Variants in GNAQ observed in about 807,000 individuals in gnomAD.
GNAQ encodes the protein G protein subunit alpha q.
Under a neutral mutation model 43.9 loss-of-function variants are expected in GNAQ, and 8 were observed. The ratio of observed to expected loss-of-function variants is 0.18; its 90% CI spans 0.11 to 0.33. The LOEUF (loss-of-function observed/expected upper bound fraction) is 0.33, where lower values mean the gene tolerates loss of function less well. Ranked by LOEUF, GNAQ falls within the 10% of genes least tolerant of loss-of-function variation. The pLI, the probability that GNAQ is intolerant of heterozygous loss-of-function variation, is 1.00. For missense variants in GNAQ, 158 were observed against 450.8 expected (o/e 0.35, Z 5.88); for synonymous variants, 155 against 170.7 (o/e 0.91, Z 0.71).
intron 4 of GNAQ, among the ~76,000 whole-genome samples, chr9:77,796,551 C>T (rs1412841906): frequency 2.0e-5 from 3 of 152,054 alleles, no homozygotes; most frequent in African/African-American, 7.2e-5. Context: ...ATCCTAAAAA[C>T]AAAACAACAG....
At chr9:77,948,648 A>G (rs376075883) in intron 1 of GNAQ, among the ~76,000 whole-genome samples, 4 of 152,288 alleles carry the variant, frequency 2.6e-5, no homozygotes, top group African/African-American at 9.6e-5. Flanking sequence ...CTGAACATCC[A>G]TTATTCGTTA....
chr9:77,852,145 G>A (rs1490611818), intron 2 of GNAQ, among the ~76,000 whole-genome samples: 1 of 152,158 alleles, frequency 6.6e-6, no homozygotes, highest in Non-Finnish European at 1.5e-5. Flanking sequence ...GGGCAGGGTT[G>A]GTTTGCCTGC....
chr9:77,904,891 C>T (rs928033339), intron 2 of GNAQ, among the ~76,000 whole-genome samples: 9 of 152,268 alleles, frequency 5.9e-5, no homozygotes, highest in African/African-American at 2.2e-4. Context: ...AAGAAACACA[C>T]ACACACAGAG....
intron 2 of GNAQ, among the ~76,000 whole-genome samples, chr9:77,865,478 A>C (rs191282485): frequency 9.3e-4 from 142 of 152,380 alleles, no homozygotes; most frequent in African/African-American, 3.1e-3. Flanking sequence ...ATTTCAAAGC[A>C]ACCCAATTAA....
rs1826075614 is a variant in GNAQ, at chr9:77,763,012, T to G, written c.735+31451A>C. 2.0e-5 allele frequency among the ~76,000 whole-genome samples: 3 copies of G among 152,032 alleles called. No homozygotes were observed. In the South Asian group the frequency reaches 6.2e-4, roughly 32 times the overall value. On this transcript the variant is annotated intron_variant, in intron 5 of 6. Coordinates refer to ENST00000286548, the MANE Select transcript of GNAQ (RefSeq NM_002072.5). ...GGAAAACCAGAGACCTTTGTTCACTTGTTTATCTGCTGACCTTCCCTCCAC... is the reference window on the plus strand; with the variant it reads ...GGAAAACCAGAGACCTTTGTTCACTGGTTTATCTGCTGACCTTCCCTCCAC...
At chr9:77,761,190 GTGAGGGGCGCCT>G (rs1826007479) in intron 5 of GNAQ, among the ~76,000 whole-genome samples, 1 of 146,168 alleles carries the variant, frequency 6.8e-6, no homozygotes, top group Non-Finnish European at 1.5e-5. Flanking sequence ...CGCCCGGCCA[GTGAGGGGCGCCT>G]CTGCCCAGCT....
intron 1 of GNAQ, among the ~76,000 whole-genome samples, chr9:77,943,963 A>G: frequency 6.6e-6 from 1 of 152,150 alleles, no homozygotes; most frequent in African/African-American, 2.4e-5. Context: ...CACAGTGCCT[A>G]GCCAGTGACT....
At chr9:77,795,061 A>C (rs1826635824) in intron 4 of GNAQ, among the ~76,000 whole-genome samples, 1 of 152,150 alleles carries the variant, frequency 6.6e-6, no homozygotes, top group Non-Finnish European at 1.5e-5. Context: ...TATACAATTC[A>C]ATATGGGTGG....
intron 1 of GNAQ, among the ~76,000 whole-genome samples, chr9:78,026,549 G>T (rs1418196358): frequency 6.6e-6 from 1 of 152,088 alleles, no homozygotes; most frequent in Non-Finnish European, 1.5e-5. Context: ...ACCATATTTT[G>T]CTATTTTTAG....
At chr9:77,913,883 T>C (rs775870238) in intron 2 of GNAQ, among the ~76,000 whole-genome samples, 8 of 152,176 alleles carry the variant, frequency 5.3e-5, no homozygotes, top group Non-Finnish European at 1.5e-5. Context: ...GTGTGCACTC[T>C]TCTGTATTTT....
intron 5 of GNAQ, among the ~76,000 whole-genome samples, chr9:77,768,644 G>A (rs536131275): frequency 6.1e-4 from 93 of 152,282 alleles, no homozygotes; most frequent in Non-Finnish European, 1.0e-3. Flanking sequence ...TTTGAGAGGT[G>A]TTTTCTGAAG....
chr9:77,760,898 G>A (rs571008579), intron 5 of GNAQ, among the ~76,000 whole-genome samples: 10 of 135,010 alleles, frequency 7.4e-5, no homozygotes, highest in East Asian at 2.2e-4. Context: ...GCCCGGTCGC[G>A]ACCCCGTCTG....
rs77381479 is a variant in GNAQ, at chr9:77,963,328, G to C, written c.137-40983C>G. 5.2e-3 allele frequency among the ~76,000 whole-genome samples: 799 copies of C among 152,208 alleles called. 9 individuals carry two copies. Among genetic ancestry groups the C allele is most frequent in the African/African-American group, 0.018 (751 of 41,536 alleles). On this transcript the variant is annotated intron_variant, in intron 1 of 6. Transcript: ENST00000286548. The stretch of plus-strand genomic sequence containing the variant: ...CTGACAATTAACAGTAGAAACAGTC[G>C]ACACCACAGAAATCTCAATTGGTTC...
At chr9:77,837,628 T>C (rs1827412097) in intron 2 of GNAQ, among the ~76,000 whole-genome samples, 1 of 142,600 alleles carries the variant, frequency 7.0e-6, no homozygotes, top group Non-Finnish European at 1.6e-5. Context: ...CAGTGTACCA[T>C]TTTCCAAAAA....
chr9:77,750,975 C>G (rs1373730518), intron 5 of GNAQ, among the ~76,000 whole-genome samples: 2 of 152,194 alleles, frequency 1.3e-5, no homozygotes, highest in East Asian at 1.9e-4. Flanking sequence ...TAAATACATA[C>G]CAACTCATGA....
At chr9:77,986,210 G>T (rs940578975) in intron 1 of GNAQ, among the ~76,000 whole-genome samples, 8 of 152,146 alleles carry the variant, frequency 5.3e-5, no homozygotes, top group Non-Finnish European at 8.8e-5. Flanking sequence ...TTTACATACA[G>T]ATTTCCCATC....
intron 1 of GNAQ, among the ~76,000 whole-genome samples, chr9:77,981,625 C>T (rs1268157735): frequency 2.0e-5 from 3 of 152,208 alleles, no homozygotes; most frequent in African/African-American, 7.2e-5. Flanking sequence ...GTCCAGTAGG[C>T]TGAGGTGTCT....
rs559449136 is a variant in GNAQ, at chr9:77,743,119, G to A, written c.736-14452C>T. Among the ~76,000 whole-genome samples, 8 of 152,254 alleles carry A rather than the reference G, an allele frequency of 5.3e-5. No individual in the cohort carries two copies. The South Asian group carries it at 1.2e-3, about 24-fold the overall frequency. On this transcript the variant is annotated intron_variant, in intron 5 of 6. Coordinates refer to ENST00000286548, the MANE Select transcript of GNAQ (RefSeq NM_002072.5). Reference sequence around the variant, plus strand: ...CTAAAAATACAAAAATTAGCCGGGCGTAGGGGCATGAGCCTGTAGTCCCAG... The same window carrying A: ...CTAAAAATACAAAAATTAGCCGGGCATAGGGGCATGAGCCTGTAGTCCCAG...
At chr9:77,999,959 A>G (rs1480894801) in intron 1 of GNAQ, among the ~76,000 whole-genome samples, 3 of 152,296 alleles carry the variant, frequency 2.0e-5, no homozygotes, top group Non-Finnish European at 2.9e-5. Context: ...AAAACAGGTT[A>G]ATTTCTCATC....
Sources: gnomAD v4.1 joint callset for allele counts (sites outside exome capture counted in the v4.1 genomes callset) on GRCh38, gnomAD v4.1.1 for gene constraint, MANE v1.5 for transcripts, NCBI Gene and HGNC (gene_info 2026-07-23, HGNC 2026-07-21) for gene names.